Variants in POLR2G observed in about 807,000 individuals in gnomAD.
POLR2G encodes the protein DNA-directed RNA polymerase II subunit RPB7.
Under a neutral mutation model 25.7 loss-of-function variants are expected in POLR2G, and 19 were observed. The observed-to-expected ratio is 0.74, with a 90% CI of 0.52 to 1.08. The LOEUF is 1.08. POLR2G is among the 50% of genes least tolerant of loss of function. The pLI is 0.00. For missense variants in POLR2G, 123 were observed against 218.5 expected, an observed-to-expected ratio of 0.56 and a Z score of 2.76; for synonymous variants, 79 against 76.0, an observed-to-expected ratio of 1.04 and a Z score of -0.21.
chr11:62,765,221 A>T lies in POLR2G; in HGVS notation c.322A>T (p.Ile108Phe). The change falls in exon 4 of 8, where the codon ATC (isoleucine) becomes TTC (phenylalanine). Residue 108 changes from isoleucine to phenylalanine, a missense_variant. Transcript: ENST00000301788. ...AGAAATTGGGCCCATGTCTTGCTTC[A>T]TCTCTCGACATGTAAGTCTGGGCAC... Reference protein sequence around the residue: ...FTEIGPMSCFISRHSIPSEME... With the variant: ...FTEIGPMSCFFSRHSIPSEME... 6.2e-7 allele frequency: 1 copy of T among 1,613,904 alleles called. No individual in the cohort carries two copies. The highest frequency in any genetic ancestry group is 8.5e-7 in the Non-Finnish European group (1 of 1,179,906).
chr11:62,766,512 G>A lies in POLR2G; in HGVS notation c.*5G>A, dbSNP rs745621081. 2.5e-6 allele frequency: 4 copies of A among 1,613,464 alleles called. No homozygotes were observed. Among genetic ancestry groups the A allele is most frequent in the Non-Finnish European group, 2.5e-6 (3 of 1,179,530 alleles). ...TTCGCAGGGCTTGTAAGCTGAGCCT[G>A]GTGGCCTCCTACCCTTGGTCCTACT... On this transcript the variant is annotated 3_prime_UTR_variant, in exon 8 of 8. Transcript: ENST00000301788.
Position 62,761,921 on chromosome 11 carries a change from C to A in POLR2G, c.122+17C>A. ...CACAGGGAAGTGAGTGTCGAGCTCACCGCACCGCCAGATCGTTCGATGCGC... is the reference window on the plus strand; with the variant it reads ...CACAGGGAAGTGAGTGTCGAGCTCAACGCACCGCCAGATCGTTCGATGCGC... On this transcript the variant is annotated intron_variant, in intron 2 of 7. Transcript: ENST00000301788. The A allele has an allele frequency of 6.5e-7, 1 of 1,546,196 alleles. No homozygotes were observed. Among genetic ancestry groups the A allele is most frequent in the Non-Finnish European group, 8.9e-7 (1 of 1,124,872 alleles).
Position 62,761,624 on chromosome 11 carries a change from C to T in POLR2G, c.-25C>T, listed in dbSNP as rs1181277862. On this transcript the variant is annotated 5_prime_UTR_variant, in exon 1 of 8. Coordinates refer to ENST00000301788, the MANE Select transcript of POLR2G (RefSeq NM_002696.3). ...CCAGGGACTGTCGGAGGTGTGGACTCTGCCTGCCTACCTGGTCTGGGAAGA... is the reference window on the plus strand; with the variant it reads ...CCAGGGACTGTCGGAGGTGTGGACTTTGCCTGCCTACCTGGTCTGGGAAGA... 4.4e-6 allele frequency: 7 copies of T among 1,604,756 alleles called. No individual in the cohort carries two copies. Among genetic ancestry groups the T allele is most frequent in the Non-Finnish European group, 6.0e-6 (7 of 1,175,150 alleles).
intron 3 of POLR2G, 54 bp downstream of exon 3, chr11:62,763,080 G>T: frequency 1.6e-6 from 2 of 1,272,316 alleles, no homozygotes; most frequent in Non-Finnish European, 1.1e-6. Flanking sequence ...GATCTGGGTT[G>T]GGTTCTGGCT....
intron 5 of POLR2G, 78 bp downstream of exon 5, chr11:62,765,483 T>C (rs2084111000): frequency 8.1e-7 from 1 of 1,229,486 alleles, no homozygotes; most frequent in Non-Finnish European, 1.2e-6. Flanking sequence ...TGGGGATGGC[T>C]GAGTACAGAT....
At chr11:62,762,170 T>C in intron 2 of POLR2G, 1 of 478,848 alleles carries the variant, frequency 2.1e-6, no homozygotes. Flanking sequence ...GGACCCGTGT[T>C]GGGCTCAGAA....
intron 3 of POLR2G, among the ~76,000 whole-genome samples, chr11:62,764,033 T>C: frequency 6.8e-6 from 1 of 146,848 alleles, no homozygotes; most frequent in South Asian, 2.1e-4. Flanking sequence ...TGAGCCACCG[T>C]GCCCGGCCAG....
chr11:62,766,464 C>A (rs1247518846), intron 7 of POLR2G, 30 bp from the exon 8 acceptor site: 2 of 1,613,696 alleles, frequency 1.2e-6, no homozygotes, highest in Non-Finnish European at 1.7e-6. Context: ...AATTCCGGTT[C>A]TAACTGATAT....
In POLR2G at chr11:62,766,603, G is replaced by T; in HGVS notation, c.*96G>T. ...GTCCAGTCTGGCTGCTGTTGTGGAGGCAAGGAAGGCAACTCATCCCAGAAG... is the reference window on the plus strand; with the variant it reads ...GTCCAGTCTGGCTGCTGTTGTGGAGTCAAGGAAGGCAACTCATCCCAGAAG... On this transcript the variant is annotated 3_prime_UTR_variant, in exon 8 of 8. Coordinates refer to ENST00000301788, the MANE Select transcript of POLR2G (RefSeq NM_002696.3). The T allele has an allele frequency of 8.6e-7, 1 of 1,166,774 alleles. No homozygotes were observed. The highest frequency in any genetic ancestry group is 1.3e-6 in the Non-Finnish European group (1 of 784,166). 72.3% of individuals were successfully genotyped at this position (1,166,774 alleles called of 1,614,324 possible). A position where few individuals can be genotyped will look rare whatever the true frequency, so the allele number is the denominator to read the frequency against.
At chr11:62,764,810 A>G (rs1418113844) in intron 3 of POLR2G, among the ~76,000 whole-genome samples, 2 of 152,118 alleles carry the variant, frequency 1.3e-5, no homozygotes, top group Non-Finnish European at 2.9e-5. Flanking sequence ...TTTAAAAAGC[A>G]AAAAACAAAA....
intron 2 of POLR2G, chr11:62,762,197 C>G (rs1414719535): frequency 9.6e-6 from 4 of 418,726 alleles, no homozygotes; most frequent in Middle Eastern, 6.7e-4. Context: ...AGAATGGGAA[C>G]AAGATAGAAT....
intron 2 of POLR2G, 103 bp downstream of exon 2, chr11:62,762,007 G>C (rs1234384663): frequency 7.1e-6 from 6 of 847,752 alleles, no homozygotes; most frequent in Admixed American, 2.0e-5. Flanking sequence ...ACCCACTCTG[G>C]GGACCCCTCT....
chr11:62,764,951 T>G (rs2084107570), intron 3 of POLR2G, among the ~76,000 whole-genome samples: 1 of 151,910 alleles, frequency 6.6e-6, no homozygotes, highest in Non-Finnish European at 1.5e-5. Context: ...CTCCACCTCC[T>G]GGGTTCAAAC....
chr11:62,762,781 C>T (rs2084095007), intron 2 of POLR2G, 86 bp from the exon 3 acceptor site: 3 of 1,112,614 alleles, frequency 2.7e-6, no homozygotes, highest in African/African-American at 3.1e-5. Context: ...CCGACCCTAC[C>T]CCCAAGAGCT....
At chr11:62,762,165 C>G (rs1383787949) in intron 2 of POLR2G, 1 of 478,938 alleles carries the variant, frequency 2.1e-6, no homozygotes, top group African/African-American at 1.9e-5. Context: ...TGCCAGGACC[C>G]GTGTTGGGCT....
At position 62,762,035 on chromosome 11, in the gene POLR2G, G is replaced by C. The variant is rs150100825; in HGVS notation, c.122+131G>C. 5.5e-4 allele frequency: 363 copies of C among 664,624 alleles called. No individual in the cohort carries two copies. The African/African-American group carries it at 5.8e-3, about 11-fold the overall frequency. 41.2% of individuals were successfully genotyped at this position (664,624 alleles called of 1,614,324 possible). ...ACCCCTCTCCTCTCTCAGGCAGCCA[G>C]TTGCTTCCTGCTTTGGGTTCCCAGG... On this transcript the variant is annotated intron_variant, in intron 2 of 7. Transcript: ENST00000301788.
Position 62,761,878 on chromosome 11 carries a change from C to T in POLR2G, c.96C>T (p.Thr32=). The T allele has an allele frequency of 6.2e-7, 1 of 1,612,348 alleles. No individual in the cohort carries two copies. Among genetic ancestry groups the T allele is most frequent in the Non-Finnish European group, 8.5e-7 (1 of 1,179,596 alleles). The change falls in exon 2 of 8, where the codon ACC becomes ACT. Residue 32 remains threonine (T), a synonymous_variant. Coordinates refer to ENST00000301788, the MANE Select transcript of POLR2G (RefSeq NM_002696.3). The part of the protein sequence containing the change: ...LLNTVKQKLF[T]EVEGTCTGKY... ...ACACGGTGAAGCAGAAGCTCTTCAC[C>T]GAGGTGGAGGGGACCTGCACAGGGA...
Position 62,766,282 on chromosome 11 carries a change from T to C in POLR2G, c.505+6T>C. 2 of 1,612,930 alleles carry C rather than the reference T, an allele frequency of 1.2e-6. No individual in the cohort carries two copies. Among genetic ancestry groups the C allele is most frequent in the South Asian group, 2.2e-5 (2 of 91,054 alleles). ...CCTGATGGACGATTACTTGGGTGAG[T>C]GCCTGATCATAGGTGCTGGGGTTAT... On this transcript the variant is annotated splice_donor_region_variant and intron_variant, in intron 7 of 7. Transcript: ENST00000301788.
Position 62,766,625 on chromosome 11 carries a change from G to T in POLR2G, c.*118G>T. The stretch of plus-strand genomic sequence containing the variant: ...GAGGCAAGGAAGGCAACTCATCCCA[G>T]AAGGCATCTGGTGCTTCTTGTAGCT... On this transcript the variant is annotated 3_prime_UTR_variant, in exon 8 of 8. Transcript: ENST00000301788. 1.2e-6 allele frequency: 1 copy of T among 868,246 alleles called. No homozygotes were observed. Among genetic ancestry groups the T allele is most frequent in the Non-Finnish European group, 1.9e-6 (1 of 524,952 alleles). The allele number at this position is 868,246 out of a possible 1,614,324, so 53.8% of individuals were successfully genotyped here.
Sources: gnomAD v4.1 joint callset for allele counts (sites outside exome capture counted in the v4.1 genomes callset) on GRCh38, gnomAD v4.1.1 for gene constraint, MANE v1.5 for transcripts, NCBI Gene and HGNC (gene_info 2026-07-23, HGNC 2026-07-21) for gene names.